ZNF251: variants seen among roughly 807,000 people sequenced by gnomAD.
The protein encoded by ZNF251 is zinc finger protein 251.
Under a neutral mutation model 13.5 loss-of-function variants are expected in ZNF251, and 14 were observed. That is an observed-to-expected ratio of 1.04 (90% confidence interval 0.69 to 1.63). The LOEUF is 1.63. Ranked by LOEUF, ZNF251 falls within the 40% of genes most tolerant of loss-of-function variation. ZNF251 has a pLI of 0.00. For missense variants in ZNF251, 764 were observed against 834.9 expected (o/e 0.92, Z 1.05); for synonymous variants, 287 against 295.2 (o/e 0.97, Z 0.28).
At chr8:144,724,174 G>A (rs1586679055) in intron 4 of ZNF251, among the ~76,000 whole-genome samples, 4 of 151,214 alleles carry the variant, frequency 2.6e-5, no homozygotes, top group Admixed American at 2.6e-4. Context: ...AACCCAGGAG[G>A]CGGAGCGAAC....
rs1373515218 is a variant in ZNF251, at chr8:144,721,404, G to A, written c.*240C>T. The A allele has an allele frequency of 2.6e-5, 11 of 423,402 alleles. No homozygotes were observed. The highest frequency in any genetic ancestry group is 4.4e-5 in the Non-Finnish European group (11 of 249,672). 26.2% of individuals were successfully genotyped at this position (423,402 alleles called of 1,614,324 possible). A position where few individuals can be genotyped will look rare whatever the true frequency, so the allele number is the denominator to read the frequency against. On this transcript the variant is annotated 3_prime_UTR_variant, in exon 5 of 5. Transcript: ENST00000292562. ...CTCCATCCATTCGTCATGAGTATCCGGATACAGCACCACACGGTTCAACTC... is the reference window on the plus strand; with the variant it reads ...CTCCATCCATTCGTCATGAGTATCCAGATACAGCACCACACGGTTCAACTC...
intron 4 of ZNF251, among the ~76,000 whole-genome samples, chr8:144,746,345 G>A (rs1475066265): frequency 6.6e-6 from 1 of 151,662 alleles, no homozygotes; most frequent in Non-Finnish European, 1.5e-5. Flanking sequence ...AATCCCACTT[G>A]GTCATGGTAT....
At chr8:144,732,921 G>C (rs1241994668) in intron 4 of ZNF251, among the ~76,000 whole-genome samples, 2 of 151,106 alleles carry the variant, frequency 1.3e-5, no homozygotes, top group African/African-American at 2.4e-5. Context: ...TTGCTTGTAT[G>C]TAATAAATTG....
chr8:144,723,573 A>C (rs905027582), intron 4 of ZNF251, among the ~76,000 whole-genome samples, 191 bp from the exon 5 acceptor site: 4 of 152,250 alleles, frequency 2.6e-5, no homozygotes, highest in Non-Finnish European at 5.9e-5. Flanking sequence ...CAAGTTCATT[A>C]GTTATCAAAG....
At chr8:144,743,755 T>C (rs1265227241) in intron 4 of ZNF251, among the ~76,000 whole-genome samples, 3 of 152,212 alleles carry the variant, frequency 2.0e-5, no homozygotes, top group African/African-American at 7.2e-5. Context: ...GCCATTCTAA[T>C]AGGTGTGCAG....
intron 4 of ZNF251, among the ~76,000 whole-genome samples, chr8:144,742,279 C>T (rs1417832439): frequency 4.6e-5 from 7 of 151,900 alleles, no homozygotes; most frequent in Non-Finnish European, 1.5e-5. Flanking sequence ...GCAGCAGACT[C>T]GCACCACGAG....
chr8:144,740,940 CA>C (rs903875042), intron 4 of ZNF251, among the ~76,000 whole-genome samples: 17 of 144,180 alleles, frequency 1.2e-4, no homozygotes, highest in Admixed American at 7.5e-4. Flanking sequence ...TCTCAAAAAA[CA>C]AAAAAAAAGA....
Position 144,730,155 on chromosome 8 carries a change from G to C in ZNF251, c.278-6773C>G, listed in dbSNP as rs1430339518. The C allele has an allele frequency of 5.1e-6, 5 of 977,308 alleles. No homozygotes were observed. In the African/African-American group the frequency reaches 8.8e-5, roughly 17 times the overall value. The allele number at this position is 977,308 out of a possible 1,614,324, so 60.5% of individuals were successfully genotyped here. ...AACTCAGGAACCAAACAGGGAAGTG[G>C]AGAGCCATGTTTTATCCACCGGGCC... is the stretch of plus-strand genomic sequence containing the variant. On this transcript the variant is annotated intron_variant, in intron 4 of 4. Coordinates refer to ENST00000292562, the MANE Select transcript of ZNF251 (RefSeq NM_138367.2).
chr8:144,724,567 CA>C (rs1823465673), intron 4 of ZNF251, among the ~76,000 whole-genome samples: 1 of 152,292 alleles, frequency 6.6e-6, no homozygotes, highest in South Asian at 2.1e-4. Context: ...CTTTGTCCCC[CA>C]AACTACTCCC....
chr8:144,742,751 T>C (rs548463671), intron 4 of ZNF251, among the ~76,000 whole-genome samples: 133 of 152,156 alleles, frequency 8.7e-4, no homozygotes, highest in Non-Finnish European at 1.5e-3. Context: ...GTCACATAGT[T>C]GGAATCATAC....
intron 4 of ZNF251, among the ~76,000 whole-genome samples, chr8:144,749,880 TTTTC>T (rs1213020455): frequency 1.7e-3 from 222 of 133,278 alleles, no homozygotes; most frequent in African/African-American, 6.1e-3. Context: ...CTTTTCTTTT[TTTTC>T]TTTTTTTTTT....
chr8:144,755,319 C>T (rs34419453), intron 1 of ZNF251, 86 bp downstream of exon 1: 3 of 1,283,594 alleles, frequency 2.3e-6, no homozygotes, highest in South Asian at 1.2e-5. Context: ...TCCTCCTGGA[C>T]TGGCCGCCGC....
rs188045095 is a variant in ZNF251, at chr8:144,744,435, A to G, written c.277+9248T>C. Among the ~76,000 whole-genome samples the G allele has an allele frequency of 1.1e-4, 17 of 152,244 alleles. No individual in the cohort carries two copies. In the East Asian group the frequency reaches 3.1e-3, roughly 28 times the overall value. ...CTATATTATCATCTAGAAGTTTCAC[A>G]GTTTTGTGGTTTACATTTAGATGTA... On this transcript the variant is annotated intron_variant, in intron 4 of 4. Coordinates refer to ENST00000292562, the MANE Select transcript of ZNF251 (RefSeq NM_138367.2).
chr8:144,754,400 G>A lies in ZNF251; in HGVS notation c.34-79C>T, dbSNP rs1824854231. ...ACTAAAAGGGCCCTGACCTGGTGGG[G>A]CCCCACTACCCAGGGCCCTGCTGTG... On this transcript the variant is annotated intron_variant, in intron 2 of 4. Transcript: ENST00000292562. 9 of 1,482,838 alleles carry A rather than the reference G, an allele frequency of 6.1e-6. No individual in the cohort carries two copies. In the South Asian group the frequency reaches 1.2e-4, roughly 20 times the overall value. The allele number at this position is 1,482,838 out of a possible 1,614,324, so 91.9% of individuals were successfully genotyped here. A position where few individuals can be genotyped will look rare whatever the true frequency, so the allele number is the denominator to read the frequency against.
intron 4 of ZNF251, among the ~76,000 whole-genome samples, chr8:144,732,679 G>A (rs1161641519): frequency 6.6e-6 from 1 of 151,656 alleles, no homozygotes; most frequent in Non-Finnish European, 1.5e-5. Flanking sequence ...GGGTGTGGTG[G>A]CAGGCACTTA....
At chr8:144,737,084 G>A (rs897982060) in intron 4 of ZNF251, among the ~76,000 whole-genome samples, 15 of 151,016 alleles carry the variant, frequency 9.9e-5, no homozygotes, top group African/African-American at 3.4e-4. Flanking sequence ...GATTACAGGC[G>A]TGAGCCACGG....
intron 4 of ZNF251, chr8:144,738,486 G>A (rs1296490085): frequency 3.2e-6 from 3 of 929,788 alleles, no homozygotes; most frequent in Non-Finnish European, 3.8e-6. Context: ...TGCGGGACCA[G>A]GCTGACCTGA....
At chr8:144,747,961 G>T (rs548572434) in intron 4 of ZNF251, among the ~76,000 whole-genome samples, 1 of 152,316 alleles carries the variant, frequency 6.6e-6, no homozygotes, top group Non-Finnish European at 1.5e-5. Context: ...CCAGCCTGGA[G>T]CGCAGTGACG....
chr8:144,722,181 G>A lies in ZNF251; in HGVS notation c.1479C>T (p.Asp493=). 1.2e-6 allele frequency: 2 copies of A among 1,613,522 alleles called. No individual in the cohort carries two copies. The highest frequency in any genetic ancestry group is 1.3e-5 in the African/African-American group (1 of 74,852). The change falls in exon 5 of 5, where the codon GAC becomes GAT. Residue 493 remains aspartate, a synonymous_variant. Coordinates refer to ENST00000292562, the MANE Select transcript of ZNF251 (RefSeq NM_138367.2). The surrounding 1 kb of genome is among the most constrained non-coding windows in gnomAD (Gnocchi z 4.8). ...HTGEKPYDCG[D]CGKAFSRRST... ...ACCTCCGGCTGAAGGCCTTCCCACA[G>A]TCACCACAGTCATAGGGCTTCTCTC...
Sources: gnomAD v4.1 joint callset for allele counts (sites outside exome capture counted in the v4.1 genomes callset) on GRCh38, gnomAD v4.1.1 for gene constraint, Gnocchi (gnomAD v3.1) non-coding constraint, MANE v1.5 for transcripts, NCBI Gene and HGNC (gene_info 2026-07-23, HGNC 2026-07-21) for gene names.